The following VTI1A variants were observed in gnomAD, a reference collection of about 807,000 sequenced individuals.
The protein encoded by VTI1A is vesicle transport through interaction with t-SNAREs 1A.
Under a neutral mutation model 34.9 loss-of-function variants are expected in VTI1A, and 22 were observed. The observed-to-expected ratio is 0.63, with a 90% CI of 0.45 to 0.90. The LOEUF is 0.90. Ranked by LOEUF, VTI1A falls within the 40% of genes least tolerant of loss-of-function variation. The pLI, the probability that VTI1A is intolerant of heterozygous loss-of-function variation, is 0.00. For synonymous variants in VTI1A, 87 were observed against 97.3 expected, an observed-to-expected ratio of 0.89 and a Z score of 0.62; for missense variants, 268 against 275.6, an observed-to-expected ratio of 0.97 and a Z score of 0.20.
At chr10:112,486,120 C>T (rs759747700) in intron 3 of VTI1A, among the ~76,000 whole-genome samples, 1 of 152,102 alleles carries the variant, frequency 6.6e-6, no homozygotes, top group Non-Finnish European at 1.5e-5. Context: ...CTTTACCACG[C>T]GTATGTCTGT....
chr10:112,452,235 C>A (rs1205431596), intron 1 of VTI1A, among the ~76,000 whole-genome samples: 1 of 152,094 alleles, frequency 6.6e-6, no homozygotes, highest in Non-Finnish European at 1.5e-5. Context: ...GGAAGATAGT[C>A]TTTAGCAGTT....
chr10:112,472,819 A>G (rs897712160), intron 3 of VTI1A, among the ~76,000 whole-genome samples: 22 of 152,182 alleles, frequency 1.4e-4, no homozygotes, highest in African/African-American at 5.1e-4. Context: ...AAAAGAAATG[A>G]GAAAGGCTAG....
rs149823159 is a variant in VTI1A at position 112,559,800 on chromosome 10, C to G, written c.427+21470C>G. ...ATGTTGCTTGTAACAGAAAAGCATT[C>G]ATGTACCCCAGACATGGAGAATACC... On this transcript the variant is annotated intron_variant, in intron 5 of 7. Transcript: ENST00000393077. Among the ~76,000 whole-genome samples, 1,127 of 152,276 alleles carry G rather than the reference C, an allele frequency of 7.4e-3. 21 individuals are homozygous for G. The highest frequency in any genetic ancestry group is 0.026 in the African/African-American group (1,071 of 41,550).
intron 7 of VTI1A, among the ~76,000 whole-genome samples, chr10:112,687,390 C>A (rs1052637903): frequency 6.6e-6 from 1 of 151,462 alleles, no homozygotes; most frequent in Non-Finnish European, 1.5e-5. Context: ...CCCACCACCA[C>A]GCCCGGCTAA....
At chr10:112,625,435 A>G (rs573376619) in intron 5 of VTI1A, among the ~76,000 whole-genome samples, 72 of 152,082 alleles carry the variant, frequency 4.7e-4, no homozygotes, top group Non-Finnish European at 7.9e-4. Flanking sequence ...GGTCAGGAGT[A>G]AAAAACCAGC....
intron 5 of VTI1A, among the ~76,000 whole-genome samples, chr10:112,625,640 C>CAAAAAAAATA (rs1845893220): frequency 1.2e-5 from 1 of 82,608 alleles, no homozygotes; most frequent in South Asian, 3.3e-4. Flanking sequence ...AACTCTGTCT[C>CAAAAAAAATA]AAAAAAAAAA....
intron 5 of VTI1A, among the ~76,000 whole-genome samples, chr10:112,553,946 A>G (rs1851458014): frequency 6.6e-6 from 1 of 152,190 alleles, no homozygotes; most frequent in Non-Finnish European, 1.5e-5. Flanking sequence ...ATCAGTTAAG[A>G]CCCTAGCTAT....
At chr10:112,496,726 T>C (rs1382703272) in intron 3 of VTI1A, among the ~76,000 whole-genome samples, 1 of 152,248 alleles carries the variant, frequency 6.6e-6, no homozygotes, top group Non-Finnish European at 1.5e-5. Flanking sequence ...CACTGCAATT[T>C]TTCAGTCAGT....
intron 5 of VTI1A, among the ~76,000 whole-genome samples, chr10:112,628,650 A>C (rs1846011237): frequency 6.6e-6 from 1 of 152,168 alleles, no homozygotes; most frequent in African/African-American, 2.4e-5. Context: ...TTATTTTTAT[A>C]ATGTCTGTTC....
intron 5 of VTI1A, among the ~76,000 whole-genome samples, chr10:112,564,958 C>T (rs1851858792): frequency 6.6e-6 from 1 of 152,002 alleles, no homozygotes; most frequent in South Asian, 2.1e-4. Flanking sequence ...TGTATATTTA[C>T]CTCATTGAAT....
chr10:112,735,959 A>C (rs967647206), intron 7 of VTI1A, among the ~76,000 whole-genome samples: 1 of 151,292 alleles, frequency 6.6e-6, no homozygotes, highest in Non-Finnish European at 1.5e-5. Context: ...GGTAAAGTAG[A>C]ATTTGCACAT....
chr10:112,682,958 T>G (rs1848272130), intron 7 of VTI1A, among the ~76,000 whole-genome samples: 1 of 152,208 alleles, frequency 6.6e-6, no homozygotes, highest in South Asian at 2.1e-4. Flanking sequence ...TCCTCTTCCC[T>G]CTGCCCGCAG....
At chr10:112,578,799 A>G (rs1279317015) in intron 5 of VTI1A, among the ~76,000 whole-genome samples, 1 of 152,210 alleles carries the variant, frequency 6.6e-6, no homozygotes, top group East Asian at 1.9e-4. Flanking sequence ...ACCATATTGC[A>G]TGATTGTAAG....
chr10:112,808,157 G>A (rs975480320), intron 7 of VTI1A, among the ~76,000 whole-genome samples: 1 of 152,020 alleles, frequency 6.6e-6, no homozygotes. Flanking sequence ...GTTCAAGGCT[G>A]CAGTGAGCTG....
intron 7 of VTI1A, among the ~76,000 whole-genome samples, chr10:112,804,836 C>T (rs1271996088): frequency 6.6e-6 from 1 of 150,862 alleles, no homozygotes; most frequent in African/African-American, 2.4e-5. Context: ...GAGGGCCGCC[C>T]TAGGTAGATT....
At chr10:112,741,965 G>A (rs1850709227) in intron 7 of VTI1A, among the ~76,000 whole-genome samples, 1 of 152,054 alleles carries the variant, frequency 6.6e-6, no homozygotes, top group Non-Finnish European at 1.5e-5. Context: ...ATATCATTTT[G>A]AACCTATTTT....
chr10:112,624,965 GCACA>G (rs922472910), intron 5 of VTI1A, among the ~76,000 whole-genome samples: 2 of 152,050 alleles, frequency 1.3e-5, no homozygotes, highest in Middle Eastern at 3.2e-3. Flanking sequence ...AGGCACAGTG[GCACA>G]CACCTATAGT....
intron 5 of VTI1A, among the ~76,000 whole-genome samples, chr10:112,592,565 AT>A (rs1844434355): frequency 6.6e-6 from 1 of 152,154 alleles, no homozygotes; most frequent in Non-Finnish European, 1.5e-5. Flanking sequence ...ATTTGCATTC[AT>A]CTCTCCCTGA....
chr10:112,517,747 T>C (rs1849838694), intron 3 of VTI1A, among the ~76,000 whole-genome samples: 1 of 152,054 alleles, frequency 6.6e-6, no homozygotes, highest in Non-Finnish European at 1.5e-5. Flanking sequence ...CAAATCCTAA[T>C]TGAGGCACAT....
Sources: allele counts gnomAD v4.1 joint callset (sites outside exome capture counted in the v4.1 genomes callset), GRCh38; gene constraint gnomAD v4.1.1; transcripts MANE v1.5; gene names NCBI Gene and HGNC (gene_info 2026-07-23, HGNC 2026-07-21).